The following SPSB4 variants were observed in gnomAD, a reference collection of about 807,000 sequenced individuals.
SPSB4 encodes the protein splA/ryanodine receptor domain and SOCS box containing 4, also known as SPRY domain-containing SOCS box protein 4.
A neutral mutation model predicts 20.9 loss-of-function variants in SPSB4; 21 were observed. The observed-to-expected ratio is 1.01, with a 90% confidence interval of 0.71 to 1.45. The LOEUF (loss-of-function observed/expected upper bound fraction) is 1.45. SPSB4 is among the 40% of genes most tolerant of loss of function. The probability of loss-of-function intolerance (pLI) is 0.00; values close to 1 mark genes in which losing one functional copy is unlikely to be tolerated. For synonymous variants in SPSB4, 207 were observed against 183.8 expected (o/e 1.13, Z -1.02); for missense variants, 399 against 399.2 (o/e 1.00, Z 0.00).
intron 2 of SPSB4, among the ~76,000 whole-genome samples, chr3:141,114,658 G>A (rs1157480472): frequency 6.6e-6 from 1 of 152,146 alleles, no homozygotes; most frequent in East Asian, 1.9e-4. Context: ...TGTTATCCAC[G>A]GTCAAGGGCA....
chr3:141,142,696 T>C (rs1939350513), intron 2 of SPSB4, among the ~76,000 whole-genome samples: 3 of 152,046 alleles, frequency 2.0e-5, no homozygotes, highest in African/African-American at 7.2e-5. Flanking sequence ...CTAGTCATAA[T>C]TGTTTTATAA....
intron 2 of SPSB4, among the ~76,000 whole-genome samples, chr3:141,089,243 C>A (rs1559845973): frequency 6.6e-6 from 1 of 152,198 alleles, no homozygotes; most frequent in Non-Finnish European, 1.5e-5. Context: ...ACTGGCTGAC[C>A]TTTCCCCATC....
chr3:141,063,290 G>A lies in SPSB4; in HGVS notation c.-153-2662G>A, dbSNP rs1358372395. Among the ~76,000 whole-genome samples the A allele has an allele frequency of 2.0e-5, 3 of 152,180 alleles. No individual in the cohort carries two copies. In the East Asian group the frequency reaches 5.8e-4, roughly 29 times the overall value. On this transcript the variant is annotated intron_variant, in intron 1 of 2. Transcript: ENST00000310546. The stretch of plus-strand genomic sequence containing the variant: ...GTCTCTTATATGTAGCATATGGTTG[G>A]GGGTTTTGTGTTTTTCCCCAGTCTT...
At chr3:141,127,183 G>T (rs1939062738) in intron 2 of SPSB4, among the ~76,000 whole-genome samples, 2 of 152,232 alleles carry the variant, frequency 1.3e-5, no homozygotes, top group Non-Finnish European at 2.9e-5. Context: ...AGCAGGGCTG[G>T]GGGGTGCAGC....
chr3:141,082,635 C>G (rs895572121), intron 2 of SPSB4, among the ~76,000 whole-genome samples: 16 of 152,008 alleles, frequency 1.1e-4, no homozygotes, highest in South Asian at 2.1e-4. Flanking sequence ...ATCTATCTAT[C>G]TATCTATCTA....
chr3:141,070,837 A>G (rs1937989484), intron 2 of SPSB4, among the ~76,000 whole-genome samples: 1 of 152,230 alleles, frequency 6.6e-6, no homozygotes, highest in Admixed American at 6.5e-5. Flanking sequence ...CCTGGATTCA[A>G]ATGGAGGCAG....
chr3:141,054,200 G>T (rs1355220089), intron 1 of SPSB4, among the ~76,000 whole-genome samples: 1 of 152,128 alleles, frequency 6.6e-6, no homozygotes, highest in Non-Finnish European at 1.5e-5. Flanking sequence ...TGAGCTGCCC[G>T]ACCTGTTGTC....
At chr3:141,110,872 A>G (rs1231259597) in intron 2 of SPSB4, among the ~76,000 whole-genome samples, 1 of 152,252 alleles carries the variant, frequency 6.6e-6, no homozygotes, top group Non-Finnish European at 1.5e-5. Context: ...TGACCTCCAC[A>G]GAAGCTGAGA....
rs557075245 is a variant in SPSB4 at position 141,091,282 on chromosome 3, G to T, written c.694+24484G>T. On this transcript the variant is annotated intron_variant, in intron 2 of 2. Coordinates refer to ENST00000310546, the MANE Select transcript of SPSB4 (RefSeq NM_080862.3). ...GGCACTGTAATGCTTAGAAACCAAG[G>T]CTCAGTTTCTGCTTCTGTAAAGTAG... is the stretch of plus-strand genomic sequence containing the variant. Among the ~76,000 whole-genome samples, 3 of 152,312 alleles carry T rather than the reference G, an allele frequency of 2.0e-5. No individual in the cohort carries two copies. In the South Asian group the frequency reaches 6.2e-4, roughly 32 times the overall value.
At chr3:141,141,610 G>A (rs1443963246) in intron 2 of SPSB4, among the ~76,000 whole-genome samples, 1 of 152,180 alleles carries the variant, frequency 6.6e-6, no homozygotes, top group Non-Finnish European at 1.5e-5. Context: ...GAATAGTTTC[G>A]GAAAGATTAG....
At chr3:141,109,592 G>A (rs1438823733) in intron 2 of SPSB4, among the ~76,000 whole-genome samples, 2 of 152,050 alleles carry the variant, frequency 1.3e-5, no homozygotes, top group South Asian at 2.1e-4. Context: ...TGTTTCCATC[G>A]GCCTCGTGAT....
At chr3:141,074,404 G>C (rs918976652) in intron 2 of SPSB4, among the ~76,000 whole-genome samples, 34 of 152,142 alleles carry the variant, frequency 2.2e-4, no homozygotes, top group African/African-American at 7.5e-4. Flanking sequence ...TAAAATTACA[G>C]TTATTAAATA....
intron 2 of SPSB4, among the ~76,000 whole-genome samples, chr3:141,106,770 AC>A (rs540046670): frequency 1.1e-4 from 17 of 152,030 alleles, no homozygotes; most frequent in Non-Finnish European, 1.6e-4. Flanking sequence ...GTCTAGTGGC[AC>A]CTTAGGGGTG....
At chr3:141,068,520 C>G (rs1937933339) in intron 2 of SPSB4, among the ~76,000 whole-genome samples, 1 of 152,112 alleles carries the variant, frequency 6.6e-6, no homozygotes, top group Non-Finnish European at 1.5e-5. Context: ...CTTGGTGTAC[C>G]AAGGCTCTGG....
chr3:141,143,943 AAGT>A (rs1939374063), intron 2 of SPSB4, among the ~76,000 whole-genome samples: 1 of 152,248 alleles, frequency 6.6e-6, no homozygotes, highest in Admixed American at 6.5e-5. Flanking sequence ...AGACAATAAA[AAGT>A]AGAAGAAAAG....
At chr3:141,065,753 G>A (rs1937852804) in intron 1 of SPSB4, among the ~76,000 whole-genome samples, 199 bp from the exon 2 acceptor site, 1 of 152,200 alleles carries the variant, frequency 6.6e-6, no homozygotes, top group Non-Finnish European at 1.5e-5. Flanking sequence ...AGATGTTAAG[G>A]ATTAAACAAA....
chr3:141,063,404 T>C (rs1165124815), intron 1 of SPSB4, among the ~76,000 whole-genome samples: 2 of 152,248 alleles, frequency 1.3e-5, no homozygotes, highest in African/African-American at 4.8e-5. Context: ...CATGCTTTTA[T>C]GCCTTTTTGC....
chr3:141,127,182 G>A (rs1445089432), intron 2 of SPSB4, among the ~76,000 whole-genome samples: 1 of 152,226 alleles, frequency 6.6e-6, no homozygotes, highest in South Asian at 2.1e-4. Flanking sequence ...CAGCAGGGCT[G>A]GGGGGTGCAG....
chr3:141,086,143 T>G (rs547348032), intron 2 of SPSB4, among the ~76,000 whole-genome samples: 10 of 152,228 alleles, frequency 6.6e-5, no homozygotes, highest in Non-Finnish European at 1.3e-4. Flanking sequence ...CTGAGCCATT[T>G]TATTTTCACA....
Sources: gnomAD v4.1 joint callset for allele counts (sites outside exome capture counted in the v4.1 genomes callset) on GRCh38, gnomAD v4.1.1 for gene constraint, MANE v1.5 for transcripts, NCBI Gene and HGNC (gene_info 2026-07-23, HGNC 2026-07-21) for gene names.